SLC6A3: variants seen among roughly 807,000 people sequenced by gnomAD.
The protein encoded by SLC6A3 is sodium-dependent dopamine transporter.
A neutral mutation model predicts 70.4 loss-of-function variants in SLC6A3; 19 were observed. That is an observed-to-expected ratio of 0.27 (90% CI 0.19 to 0.40). The LOEUF (loss-of-function observed/expected upper bound fraction) is 0.40. Ranked by LOEUF, SLC6A3 falls within the 10% of genes least tolerant of loss-of-function variation. The probability of loss-of-function intolerance (pLI) is 1.00; values close to 1 mark genes in which losing one functional copy is unlikely to be tolerated. For synonymous variants in SLC6A3, 368 were observed against 356.6 expected (o/e 1.03, Z -0.36); for missense variants, 613 against 838.5 (o/e 0.73, Z 3.32).
chr5:1,413,649 TG>T lies in SLC6A3; in HGVS notation c.1156+1041del, dbSNP rs1355419950. 6.6e-6 allele frequency among the ~76,000 whole-genome samples: 1 copy of T among 152,050 alleles called. No homozygotes were observed. Among genetic ancestry groups the T allele is most frequent in the African/African-American group, 2.4e-5 (1 of 41,382 alleles). On this transcript the variant is annotated intron_variant, in intron 8 of 14. Transcript: ENST00000270349. The surrounding 1 kb of genome is among the most constrained non-coding windows in gnomAD (Gnocchi z 7.1). Reference sequence around the variant, plus strand: ...AGGAAGCAAGGATGGGGACGCAGCATGGGAGCCCACCCAACCCAGGCCCGTG... The same window carrying T: ...AGGAAGCAAGGATGGGGACGCAGCATGGAGCCCACCCAACCCAGGCCCGTG...
intron 8 of SLC6A3, among the ~76,000 whole-genome samples, chr5:1,412,344 A>T (rs1455379451): frequency 6.6e-6 from 1 of 152,278 alleles, no homozygotes; most frequent in Non-Finnish European, 1.5e-5. Context: ...TCAGAGGAGC[A>T]GCACATCCTG....
intron 3 of SLC6A3, among the ~76,000 whole-genome samples, chr5:1,439,108 C>A (rs1367660842): frequency 6.6e-6 from 1 of 152,198 alleles, no homozygotes; most frequent in East Asian, 1.9e-4. Flanking sequence ...TTGACACGCG[C>A]CCCTGTCTGT....
At chr5:1,414,931 G>C in intron 7 of SLC6A3, 116 bp from the exon 8 acceptor site, 3 of 1,368,032 alleles carry the variant, frequency 2.2e-6, no homozygotes, top group Non-Finnish European at 3.1e-6. Flanking sequence ...TCTTCGGAGG[G>C]GCTACTTTTC....
intron 4 of SLC6A3, among the ~76,000 whole-genome samples, chr5:1,426,323 G>T (rs1371000468): frequency 1.3e-5 from 2 of 152,164 alleles, no homozygotes; most frequent in Admixed American, 1.3e-4. Context: ...AGGATTACTT[G>T]AGCCCAGGAG....
chr5:1,423,147 C>T (rs1284892702), intron 4 of SLC6A3, among the ~76,000 whole-genome samples: 1 of 115,122 alleles, frequency 8.7e-6, no homozygotes, highest in Non-Finnish European at 1.8e-5. Context: ...TAGGTGCCCA[C>T]CGCTGCCCAC....
Position 1,394,511 on chromosome 5 carries a change from T to C in SLC6A3, c.*224A>G. ...AACGGGGTGGACCTCGCTGCACAGA[T>C]CTACGTCGTTATTACAGCAACACAA... is the stretch of plus-strand genomic sequence containing the variant. On this transcript the variant is annotated 3_prime_UTR_variant, in exon 15 of 15. Transcript: ENST00000270349. This position sits in a 1 kb window ranked among gnomAD's most constrained non-coding sequence, Gnocchi z 4.7. 1 of 654,032 alleles carries C rather than the reference T, an allele frequency of 1.5e-6. No homozygotes were observed. The highest frequency in any genetic ancestry group is 1.7e-5 in the South Asian group (1 of 57,602). 40.5% of individuals were successfully genotyped at this position (654,032 alleles called of 1,614,324 possible). A position where few individuals can be genotyped will look rare whatever the true frequency, so the allele number is the denominator to read the frequency against.
chr5:1,439,781 T>C lies in SLC6A3; in HGVS notation c.418+1578A>G, dbSNP rs376834232. Among the ~76,000 whole-genome samples, 6 of 152,352 alleles carry C rather than the reference T, an allele frequency of 3.9e-5. No homozygotes were observed. The South Asian group carries it at 6.2e-4, about 16-fold the overall frequency. ...TCTGAGTAAATGCCTGAATCCTCCC[T>C]GAACCACCAGCCCCTGAGAGGTGGC... On this transcript the variant is annotated intron_variant, in intron 3 of 14. Transcript: ENST00000270349.
rs141568103 is a variant in SLC6A3 at position 1,406,463 on chromosome 5, G to A, written c.1499-175C>T. ...CACACCCCAGCCCACTGGGTGCCTC[G>A]CTGACGGGTGGGAGCCCACGTGCCT... On this transcript the variant is annotated intron_variant, in intron 11 of 14. Transcript: ENST00000270349. This position sits in a 1 kb window ranked among gnomAD's most constrained non-coding sequence, Gnocchi z 8.8. 1.1e-4 allele frequency among the ~76,000 whole-genome samples: 17 copies of A among 152,226 alleles called. No homozygotes were observed. Among genetic ancestry groups the A allele is most frequent in the South Asian group, 2.1e-4 (1 of 4,828 alleles).
At chr5:1,418,891 C>G (rs1217179860) in intron 6 of SLC6A3, among the ~76,000 whole-genome samples, 2 of 150,584 alleles carry the variant, frequency 1.3e-5, no homozygotes, top group East Asian at 3.9e-4. Context: ...ATCTAGCTAC[C>G]TACCTATCAT....
intron 3 of SLC6A3, among the ~76,000 whole-genome samples, chr5:1,440,919 TAC>T (rs1733639325): frequency 6.6e-6 from 1 of 152,102 alleles, no homozygotes; most frequent in Non-Finnish European, 1.5e-5. Context: ...AGGAAACAGA[TAC>T]AGATAGATGA....
chr5:1,413,952 C>A lies in SLC6A3; in HGVS notation c.1156+739G>T, dbSNP rs528977903. Among the ~76,000 whole-genome samples, 1 of 152,184 alleles carries A rather than the reference C, an allele frequency of 6.6e-6. No homozygotes were observed. The highest frequency in any genetic ancestry group is 1.5e-5 in the Non-Finnish European group (1 of 68,030). ...CTTCTTGCTGTGGCCAAGGCCTCCC[C>A]CCACCACTCACCTGTGCCTGCCCGA... On this transcript the variant is annotated intron_variant, in intron 8 of 14. Coordinates refer to ENST00000270349, the MANE Select transcript of SLC6A3 (RefSeq NM_001044.5). The surrounding 1 kb of genome is among the most constrained non-coding windows in gnomAD (Gnocchi z 7.1).
rs549932069 is a variant in SLC6A3, at chr5:1,395,201, G to C, written c.1840-443C>G. ...CTCAGATGCTCCATCTGAGTGACAC[G>C]CTACCTCTGCAGCTCCATCTTGCTC... On this transcript the variant is annotated intron_variant, in intron 14 of 14. Coordinates refer to ENST00000270349, the MANE Select transcript of SLC6A3 (RefSeq NM_001044.5). Among the ~76,000 whole-genome samples, 17 of 152,262 alleles carry C rather than the reference G, an allele frequency of 1.1e-4. No homozygotes were observed. In the South Asian group the frequency reaches 3.3e-3, roughly 30 times the overall value.
intron 3 of SLC6A3, among the ~76,000 whole-genome samples, chr5:1,439,339 G>T (rs928675315): frequency 7.5e-6 from 1 of 132,638 alleles, no homozygotes; most frequent in African/African-American, 2.7e-5. Context: ...TGGGGGTGGG[G>T]GTGGGGAGGG....
chr5:1,411,429 C>T lies in SLC6A3; in HGVS notation c.1157-74G>A, dbSNP rs564929255. ...CCGCCCATCCTGCCCCACCCCGCCC[C>T]GAGAAGCATGGCCTGCCACAGGCCT... On this transcript the variant is annotated intron_variant, in intron 8 of 14. Coordinates refer to ENST00000270349, the MANE Select transcript of SLC6A3 (RefSeq NM_001044.5). The surrounding 1 kb of genome is among the most constrained non-coding windows in gnomAD (Gnocchi z 6.5). 4.4e-5 allele frequency: 50 copies of T among 1,125,334 alleles called. No individual in the cohort carries two copies. The highest frequency in any genetic ancestry group is 2.6e-4 in the South Asian group (20 of 75,582). 69.7% of individuals were successfully genotyped at this position (1,125,334 alleles called of 1,614,324 possible).
rs1756112837 is a variant in SLC6A3, at chr5:1,411,154, G to T, written c.1269+89C>A. 1.1e-6 allele frequency: 1 copy of T among 901,490 alleles called. No homozygotes were observed. Among genetic ancestry groups the T allele is most frequent in the Non-Finnish European group, 1.8e-6 (1 of 559,800 alleles). 55.8% of individuals were successfully genotyped at this position (901,490 alleles called of 1,614,324 possible). On this transcript the variant is annotated intron_variant, in intron 9 of 14. Transcript: ENST00000270349. This position sits in a 1 kb window ranked among gnomAD's most constrained non-coding sequence, Gnocchi z 6.5. ...TCTGGGGGCCGTACGTGAGCCCAGG[G>T]ATCTTGCCTAGCCCTGGGAGGGCAG...
intron 3 of SLC6A3, among the ~76,000 whole-genome samples, chr5:1,432,994 G>A (rs970733993): frequency 9.9e-5 from 15 of 151,998 alleles, no homozygotes; most frequent in African/African-American, 3.6e-4. Flanking sequence ...AGGTCACCCA[G>A]AGCTATGGCG....
chr5:1,441,345 C>A lies in SLC6A3; in HGVS notation c.418+14G>T, dbSNP rs1355178624. The stretch of plus-strand genomic sequence containing the variant: ...CGCGCTGCGCCAGGGTGAAGGGAGG[C>A]ACCCGCATATTACCTTTCAGTATGG... On this transcript the variant is annotated intron_variant, in intron 3 of 14. Transcript: ENST00000270349. The A allele has an allele frequency of 3.1e-6, 5 of 1,614,078 alleles. No homozygotes were observed. The highest frequency in any genetic ancestry group is 1.3e-5 in the African/African-American group (1 of 74,936).
intron 14 of SLC6A3, 53 bp downstream of exon 14, chr5:1,400,862 T>C: frequency 7.3e-7 from 1 of 1,373,116 alleles, no homozygotes; most frequent in Non-Finnish European, 1.0e-6. Context: ...ACACTGAGCT[T>C]GGGATCATTC....
At position 1,400,917 on chromosome 5, in the gene SLC6A3, T is replaced by C. The variant is rs1488711106; in HGVS notation, c.1837A>G (p.Thr613Ala). 12 of 1,583,112 alleles carry C rather than the reference T, an allele frequency of 7.6e-6. No individual in the cohort carries two copies. Among genetic ancestry groups the C allele is most frequent in the Non-Finnish European group, 1.0e-5 (12 of 1,162,048 alleles). Residue 613 changes from threonine to alanine, a missense_variant and splice_region_variant, in exon 14 of 15, where the codon ACG (threonine) becomes GCG (alanine). Coordinates refer to ENST00000270349, the MANE Select transcript of SLC6A3 (RefSeq NM_001044.5). ...CCCAGCAGGGACCTCGACCTCACCGTGAACTGGCGCACCTCCCCTCTGTCC... is the reference window on the plus strand; with the variant it reads ...CCCAGCAGGGACCTCGACCTCACCGCGAACTGGCGCACCTCCCCTCTGTCC... ...LVDRGEVRQF[T>A]LRHWLKV
Sources: gnomAD v4.1 joint callset for allele counts (sites outside exome capture counted in the v4.1 genomes callset) on GRCh38, gnomAD v4.1.1 for gene constraint, Gnocchi (gnomAD v3.1) non-coding constraint, MANE v1.5 for transcripts, NCBI Gene and HGNC (gene_info 2026-07-23, HGNC 2026-07-21) for gene names.